The following FLCN variants were observed in gnomAD, a reference collection of about 807,000 sequenced individuals.
FLCN encodes the protein folliculin.
A neutral mutation model predicts 62.5 loss-of-function variants in FLCN; 22 were observed. That is an observed-to-expected ratio of 0.35 (90% confidence interval 0.25 to 0.50). FLCN has a LOEUF of 0.50. Among genes scored for constraint, FLCN ranks in the 20% least tolerant of loss-of-function variants. FLCN has a pLI of 0.97. For missense variants in FLCN, 657 were observed against 778.0 expected (o/e 0.84, Z 1.85); for synonymous variants, 319 against 310.0 (o/e 1.03, Z -0.30).
chr17:17,227,905 T>A lies in FLCN; in HGVS notation c.233A>T (p.Lys78Met), dbSNP rs1209539424. ...SVESSSPGPK[K>M]SDMCEGCRSL... ...GACACTTGCCTCGCACATGTCCGACTTTTTGGGCCCCGGGCTGCTGGACTC... is the reference window on the plus strand; with the variant it reads ...GACACTTGCCTCGCACATGTCCGACATTTTGGGCCCCGGGCTGCTGGACTC... The change falls in exon 4 of 14, where the codon AAG becomes ATG. Residue 78 changes from lysine (K) to methionine (M), a missense_variant. By Grantham distance (95) the Lys-to-Met change is moderately conservative (BLOSUM62 -1). Coordinates refer to ENST00000285071, the MANE Select transcript of FLCN (RefSeq NM_144997.7). 2 of 1,614,092 alleles carry A rather than the reference T, an allele frequency of 1.2e-6. No individual in the cohort carries two copies. The highest frequency in any genetic ancestry group is 2.2e-5 in the South Asian group (2 of 91,084).
chr17:17,217,617 A>C (rs191889648), intron 9 of FLCN: 1 of 318,836 alleles, frequency 3.1e-6, no homozygotes, highest in East Asian at 8.4e-5. Flanking sequence ...GACGCATCTG[A>C]CATCCAGCCG....
At chr17:17,234,579 T>A (rs1334842076) in intron 1 of FLCN, among the ~76,000 whole-genome samples, 4 of 150,392 alleles carry the variant, frequency 2.7e-5, no homozygotes, top group Non-Finnish European at 4.4e-5. Context: ...TGCAGTGGCT[T>A]AAGCCTGTAA....
At position 17,213,687 on chromosome 17, in the gene FLCN, G is replaced by A. The variant is rs752161850; in HGVS notation, c.1708C>T (p.Arg570Cys). The A allele has an allele frequency of 2.5e-6, 4 of 1,614,182 alleles. No individual in the cohort carries two copies. The highest frequency in any genetic ancestry group is 2.2e-5 in the East Asian group (1 of 44,878). Residue 570 changes from arginine (R) to cysteine (C), a missense_variant, in exon 14 of 14, where the codon CGC (arginine) becomes TGC (cysteine). Physicochemically the swap from Arg to Cys is radical, Grantham distance 180. Coordinates refer to ENST00000285071, the MANE Select transcript of FLCN (RefSeq NM_144997.7). ...CGAGACTCCGAGGCTGTGGGGCTGC[G>A]GACCGTGGACATGAGGTGTGACTTG... ...TYKSHLMSTV[R>C]SPTASESRN
In FLCN at chr17:17,222,287, A is replaced by T. The variant is rs116390420; in HGVS notation, c.779+214T>A. ...AGGAAGAAGTGAGTTCCACATCAAT[A>T]TGTTTTCAGCACACTCAGGGGAAGA... is the stretch of plus-strand genomic sequence containing the variant. On this transcript the variant is annotated intron_variant, in intron 7 of 13. Transcript: ENST00000285071. Among the ~76,000 whole-genome samples, 5,058 of 152,230 alleles carry T rather than the reference A, an allele frequency of 0.033. 130 individuals are homozygous for T. Among genetic ancestry groups the T allele is most frequent in the African/African-American group, 0.071 (2,934 of 41,520 alleles).
intron 6 of FLCN, chr17:17,223,189 G>A: frequency 4.7e-6 from 1 of 211,674 alleles, no homozygotes; most frequent in South Asian, 7.9e-5. Flanking sequence ...TGCCTCATGG[G>A]TTCAAGCGTT....
Position 17,226,171 on chromosome 17 carries a change from C to T in FLCN, c.396+5G>A. ...AGAGACAGGCTCTGTGGCCACAAGG[C>T]TCACCTCACAGCTCAGGCTCCGGAC... On this transcript the variant is annotated splice_donor_5th_base_variant and intron_variant, in intron 5 of 13. Coordinates refer to ENST00000285071, the MANE Select transcript of FLCN (RefSeq NM_144997.7). 3 of 1,613,940 alleles carry T rather than the reference C, an allele frequency of 1.9e-6. No homozygotes were observed. The highest frequency in any genetic ancestry group is 2.5e-6 in the Non-Finnish European group (3 of 1,179,998).
At chr17:17,223,550 C>T (rs1012746423) in intron 6 of FLCN, among the ~76,000 whole-genome samples, 1 of 152,240 alleles carries the variant, frequency 6.6e-6, no homozygotes, top group African/African-American at 2.4e-5. Flanking sequence ...ACGACCTGGC[C>T]TGGCCTGGCC....
At chr17:17,225,788 G>T in intron 5 of FLCN, 1 of 335,132 alleles carries the variant, frequency 3.0e-6, no homozygotes. Flanking sequence ...GGCTAAGGCG[G>T]GAGGATCGCT....
rs2144810809 is a variant in FLCN at position 17,213,792 on chromosome 17, G to A, written c.1603C>T (p.Leu535=). The change falls in exon 14 of 14, where the codon CTG becomes TTG. Residue 535 remains leucine (L), a synonymous_variant. Transcript: ENST00000285071. ...DSRPKEDTQK[L]LSILGASEED... is the part of the protein sequence containing the mutation. The stretch of plus-strand genomic sequence containing the variant: ...TCGGACGCACCCAGGATGCTCAGCA[G>A]CTTCTGTGTGTCCTCTTTGGGTCGA... The A allele has an allele frequency of 6.2e-7, 1 of 1,614,260 alleles. No individual in the cohort carries two copies. The highest frequency in any genetic ancestry group is 8.5e-7 in the Non-Finnish European group (1 of 1,180,050).
intron 1 of FLCN, among the ~76,000 whole-genome samples, chr17:17,235,065 G>A (rs890843058): frequency 7.6e-5 from 11 of 145,608 alleles, no homozygotes; most frequent in Non-Finnish European, 1.3e-4. Context: ...TGAGCTGATC[G>A]CACCACTGCA....
In FLCN at chr17:17,213,588, C is replaced by T; in HGVS notation, c.*67G>A. 1 of 1,595,384 alleles carries T rather than the reference C, an allele frequency of 6.3e-7. No homozygotes were observed. The highest frequency in any genetic ancestry group is 8.6e-7 in the Non-Finnish European group (1 of 1,163,532). Reference sequence around the variant, plus strand: ...GCAGTTGAGAAACTCAAGGGACAGTCCCTCTCACGGGGCTGGAGGATCCTG... The same window carrying T: ...GCAGTTGAGAAACTCAAGGGACAGTTCCTCTCACGGGGCTGGAGGATCCTG... On this transcript the variant is annotated 3_prime_UTR_variant, in exon 14 of 14. Transcript: ENST00000285071.
In FLCN at chr17:17,219,173, T is replaced by C. The variant is rs773482946; in HGVS notation, c.908A>G (p.Glu303Gly). The change falls in exon 9 of 14, where the codon GAG (glutamate) becomes GGG (glycine). Residue 303 changes from glutamate to glycine, a missense_variant. Coordinates refer to ENST00000285071, the MANE Select transcript of FLCN (RefSeq NM_144997.7). ...AGGGGCTTTCTCCTCCTCTTCAGCC[T>C]CAGAGTTGTCCCAGCTTTCTGATTC... ...EEESESWDNS[E>G]AEEEEKAPVL... 4 of 1,614,048 alleles carry C rather than the reference T, an allele frequency of 2.5e-6. No individual in the cohort carries two copies. Among genetic ancestry groups the C allele is most frequent in the Admixed American group, 3.3e-5 (2 of 60,000 alleles).
intron 13 of FLCN, among the ~76,000 whole-genome samples, chr17:17,214,112 C>A (rs2046833168): frequency 6.6e-6 from 1 of 151,696 alleles, no homozygotes; most frequent in African/African-American, 2.4e-5. Flanking sequence ...GCTTCCCACA[C>A]CCTCCCTCAA....
chr17:17,218,941 G>T, intron 9 of FLCN, 78 bp downstream of exon 9: 1 of 1,534,790 alleles, frequency 6.5e-7, no homozygotes, highest in Admixed American at 1.8e-5. Context: ...AGGGTCCAGA[G>T]GCAAGGCGTG....
At chr17:17,226,403 C>T (rs1445011612) in intron 4 of FLCN, 81 bp from the exon 5 acceptor site, 12 of 1,547,880 alleles carry the variant, frequency 7.8e-6, no homozygotes, top group Non-Finnish European at 9.8e-6. Context: ...AATCTGAGCT[C>T]GGAAAACTCA....
intron 4 of FLCN, 122 bp downstream of exon 4, chr17:17,227,767 T>C: frequency 7.2e-7 from 1 of 1,383,504 alleles, no homozygotes; most frequent in Non-Finnish European, 1.0e-6. Context: ...CGGAAAGAAC[T>C]GAAGGGCCCC....
chr17:17,233,716 C>CTTTTTTTT (rs34208211), intron 1 of FLCN, among the ~76,000 whole-genome samples: 7 of 63,956 alleles, frequency 1.1e-4, no homozygotes, highest in Admixed American at 2.3e-4. Flanking sequence ...CCCATCTTTC[C>CTTTTTTTT]TTTTTTTTTT....
intron 8 of FLCN, chr17:17,220,217 A>C (rs2047050063): frequency 6.6e-6 from 1 of 151,980 alleles, no homozygotes; most frequent in Non-Finnish European, 1.5e-5. Flanking sequence ...GCTACTTTTC[A>C]TATTTTTTGT....
chr17:17,212,802 G>A lies in FLCN; in HGVS notation c.*853C>T, dbSNP rs2046796284. 1 of 217,254 alleles carries A rather than the reference G, an allele frequency of 4.6e-6. No individual in the cohort carries two copies. Among genetic ancestry groups the A allele is most frequent in the Admixed American group, 5.8e-5 (1 of 17,134 alleles). The allele number at this position is 217,254 out of a possible 1,614,324, so 13.5% of individuals were successfully genotyped here. Reference sequence around the variant, plus strand: ...ACTCCCTCTCAAAAAAAAAAGTACAGTGGGATGATGAAATTGTCTTCAATC... The same window carrying A: ...ACTCCCTCTCAAAAAAAAAAGTACAATGGGATGATGAAATTGTCTTCAATC... On this transcript the variant is annotated 3_prime_UTR_variant, in exon 14 of 14. Coordinates refer to ENST00000285071, the MANE Select transcript of FLCN (RefSeq NM_144997.7).
Sources: gnomAD v4.1 joint callset for allele counts (sites outside exome capture counted in the v4.1 genomes callset) on GRCh38, gnomAD v4.1.1 for gene constraint, MANE v1.5 for transcripts, NCBI Gene and HGNC (gene_info 2026-07-23, HGNC 2026-07-21) for gene names.